The following CADM1 variants were observed in gnomAD, a reference collection of about 807,000 sequenced individuals.
The protein encoded by CADM1 is cell adhesion molecule 1, also known as TSLC-1.
A neutral mutation model predicts 53.1 loss-of-function variants in CADM1; 15 were observed. The ratio of observed to expected loss-of-function variants is 0.28; its 90% CI spans 0.19 to 0.44. The LOEUF (loss-of-function observed/expected upper bound fraction) is 0.44. Among genes scored for constraint, CADM1 ranks in the 20% least tolerant of loss-of-function variants. CADM1 has a pLI of 1.00. For missense variants in CADM1, 434 were observed against 611.3 expected (o/e 0.71, Z 3.06); for synonymous variants, 281 against 243.0 (o/e 1.16, Z -1.45).
At chr11:115,192,074 A>C (rs1939900631) in intron 9 of CADM1, among the ~76,000 whole-genome samples, 1 of 152,244 alleles carries the variant, frequency 6.6e-6, no homozygotes, top group Non-Finnish European at 1.5e-5. Flanking sequence ...AAAGCAACCA[A>C]AACAAATGCT....
At chr11:115,282,779 T>C (rs1943622813) in intron 1 of CADM1, among the ~76,000 whole-genome samples, 1 of 152,122 alleles carries the variant, frequency 6.6e-6, no homozygotes, top group African/African-American at 2.4e-5. Flanking sequence ...GACTATGAAT[T>C]AGGGAACAGT....
intron 1 of CADM1, among the ~76,000 whole-genome samples, chr11:115,302,987 G>T (rs1386531889): frequency 3.3e-5 from 5 of 152,102 alleles, no homozygotes; most frequent in Non-Finnish European, 5.9e-5. Flanking sequence ...TATTTCTGCT[G>T]CTAGACATGA....
chr11:115,258,717 C>A (rs1942872325), intron 1 of CADM1, among the ~76,000 whole-genome samples: 1 of 152,188 alleles, frequency 6.6e-6, no homozygotes. Context: ...TTCTTTGGAG[C>A]AAGTACTAAA....
At chr11:115,333,198 C>T (rs1206503886) in intron 1 of CADM1, among the ~76,000 whole-genome samples, 2 of 152,112 alleles carry the variant, frequency 1.3e-5, no homozygotes, top group Non-Finnish European at 2.9e-5. Context: ...CTCCTACTCC[C>T]CTAAAACATC....
intron 10 of CADM1, among the ~76,000 whole-genome samples, chr11:115,182,493 T>C (rs77376117): frequency 0.01 from 1,585 of 152,350 alleles, 10 homozygotes; most frequent in Middle Eastern, 0.024. Flanking sequence ...CCAAGCATGA[T>C]TGCATAACAC....
chr11:115,240,862 G>A (rs1002207729), intron 1 of CADM1: 2 of 217,470 alleles, frequency 9.2e-6, no homozygotes, highest in Non-Finnish European at 1.9e-5. Flanking sequence ...ATAGAAGTAG[G>A]TAGGAGGGTT....
At chr11:115,404,347 AT>A (rs1213425949) in intron 1 of CADM1, among the ~76,000 whole-genome samples, 4,504 of 42,820 alleles carry the variant, frequency 0.11, 898 homozygotes, top group Non-Finnish European at 0.12. Flanking sequence ...AAAAAAAAAA[AT>A]ATATATATAT....
At chr11:115,272,925 A>G (rs1943342071) in intron 1 of CADM1, among the ~76,000 whole-genome samples, 1 of 152,104 alleles carries the variant, frequency 6.6e-6, no homozygotes, top group Admixed American at 6.5e-5. Flanking sequence ...AAAAGCAACG[A>G]CGTGAAGTTT....
chr11:115,413,996 A>G (rs181356770), intron 1 of CADM1, among the ~76,000 whole-genome samples: 2 of 152,134 alleles, frequency 1.3e-5, no homozygotes, highest in Admixed American at 1.3e-4. Context: ...GATTTCCACC[A>G]TCAGTCTCAT....
intron 1 of CADM1, among the ~76,000 whole-genome samples, chr11:115,504,033 G>A (rs1949795243): frequency 6.6e-6 from 1 of 152,130 alleles, no homozygotes; most frequent in South Asian, 2.1e-4. Flanking sequence ...GGGAGAGAAG[G>A]TGTGGGTGCA....
chr11:115,301,816 C>T (rs1187258579), intron 1 of CADM1, among the ~76,000 whole-genome samples: 2 of 152,064 alleles, frequency 1.3e-5, no homozygotes, highest in African/African-American at 4.8e-5. Flanking sequence ...CACCCCATAA[C>T]ATTATAAGAA....
chr11:115,216,316 C>A (rs1472885306), intron 6 of CADM1, among the ~76,000 whole-genome samples: 2 of 152,196 alleles, frequency 1.3e-5, no homozygotes, highest in African/African-American at 4.8e-5. Context: ...CTGAAGGAAA[C>A]ATGTAATTTA....
intron 8 of CADM1, among the ~76,000 whole-genome samples, chr11:115,200,007 C>A (rs937237156): frequency 6.6e-6 from 1 of 152,098 alleles, no homozygotes; most frequent in African/African-American, 2.4e-5. Flanking sequence ...GAATTCACAC[C>A]GGCATTCCCC....
At chr11:115,184,178 G>T (rs1939437185) in intron 10 of CADM1, among the ~76,000 whole-genome samples, 1 of 152,006 alleles carries the variant, frequency 6.6e-6, no homozygotes, top group South Asian at 2.1e-4. Flanking sequence ...TCCCAAATCT[G>T]AAGCAAAACC....
intron 1 of CADM1, among the ~76,000 whole-genome samples, chr11:115,295,247 G>A (rs1053969418): frequency 6.6e-6 from 1 of 151,914 alleles, no homozygotes; most frequent in Non-Finnish European, 1.5e-5. Flanking sequence ...CATTCAACAA[G>A]TTCACGGCAA....
At chr11:115,354,024 C>T (rs1241695439) in intron 1 of CADM1, among the ~76,000 whole-genome samples, 1 of 152,078 alleles carries the variant, frequency 6.6e-6, no homozygotes, top group African/African-American at 2.4e-5. Flanking sequence ...AATCTAGTGT[C>T]CAGCACACAG....
intron 1 of CADM1, among the ~76,000 whole-genome samples, chr11:115,258,806 TCCAA>T: frequency 6.6e-6 from 1 of 152,300 alleles, no homozygotes; most frequent in Middle Eastern, 3.4e-3. Flanking sequence ...TTTCCTTTCC[TCCAA>T]CCATCTTTCA....
intron 1 of CADM1, among the ~76,000 whole-genome samples, chr11:115,441,441 T>A (rs1156363962): frequency 1.3e-5 from 2 of 152,198 alleles, no homozygotes; most frequent in Admixed American, 6.5e-5. Flanking sequence ...CATTTAATAA[T>A]GATAACTGTA....
chr11:115,333,810 G>A (rs750945656), intron 1 of CADM1, among the ~76,000 whole-genome samples: 3 of 152,090 alleles, frequency 2.0e-5, no homozygotes, highest in Non-Finnish European at 2.9e-5. Flanking sequence ...AGTAGTTAGC[G>A]TATAGGCTCA....
Sources: allele counts gnomAD v4.1 joint callset (sites outside exome capture counted in the v4.1 genomes callset), GRCh38; gene constraint gnomAD v4.1.1; transcripts MANE v1.5; gene names NCBI Gene and HGNC (gene_info 2026-07-23, HGNC 2026-07-21).